Variants in UBE2E3 observed in about 807,000 individuals in gnomAD.
UBE2E3 encodes the protein ubiquitin-conjugating enzyme E2 E3.
Under a neutral mutation model 23.6 loss-of-function variants are expected in UBE2E3, and 5 were observed. That is an observed-to-expected ratio of 0.21 (90% CI 0.11 to 0.44). UBE2E3 has a LOEUF of 0.44. Ranked by LOEUF, UBE2E3 falls within the 20% of genes least tolerant of loss-of-function variation. The pLI is 0.99. For synonymous variants in UBE2E3, 78 were observed against 87.5 expected (o/e 0.89, Z 0.60); for missense variants, 81 against 249.8 (o/e 0.32, Z 4.55).
chr2:181,047,295 A>G (rs942467790), intron 3 of UBE2E3, among the ~76,000 whole-genome samples: 5 of 152,096 alleles, frequency 3.3e-5, no homozygotes, highest in African/African-American at 1.2e-4. Context: ...CATCTCAGGT[A>G]TCATCTCGCC....
At chr2:181,042,591 A>G (rs1686548572) in intron 3 of UBE2E3, among the ~76,000 whole-genome samples, 1 of 152,142 alleles carries the variant, frequency 6.6e-6, no homozygotes, top group South Asian at 2.1e-4. Flanking sequence ...CCAAACTGGA[A>G]GTCATGGAAC....
At chr2:180,996,790 G>A (rs1455481809) in intron 3 of UBE2E3, among the ~76,000 whole-genome samples, 1 of 152,098 alleles carries the variant, frequency 6.6e-6, no homozygotes, top group Non-Finnish European at 1.5e-5. Context: ...ATTTGTAATA[G>A]TTGTGTTTCT....
intron 3 of UBE2E3, among the ~76,000 whole-genome samples, chr2:181,003,364 C>G (rs963058177): frequency 6.6e-6 from 1 of 152,166 alleles, no homozygotes; most frequent in Admixed American, 6.5e-5. Context: ...TTCAGATGAC[C>G]TCTAATGAGC....
chr2:181,040,676 T>C (rs1686459334), intron 3 of UBE2E3, among the ~76,000 whole-genome samples: 1 of 152,190 alleles, frequency 6.6e-6, no homozygotes, highest in South Asian at 2.1e-4. Context: ...AGATGGATCA[T>C]AGGTAAAAAA....
chr2:180,991,554 CG>C (rs1684659158), intron 3 of UBE2E3, among the ~76,000 whole-genome samples: 3 of 152,234 alleles, frequency 2.0e-5, no homozygotes, highest in Admixed American at 6.5e-5. Context: ...GTTCTACCTG[CG>C]GCCCTTGGGC....
intron 3 of UBE2E3, among the ~76,000 whole-genome samples, chr2:181,024,459 G>A: frequency 6.6e-6 from 1 of 152,070 alleles, no homozygotes; most frequent in East Asian, 1.9e-4. Flanking sequence ...GAGTAAACAA[G>A]CAATAAGCAG....
intron 3 of UBE2E3, among the ~76,000 whole-genome samples, chr2:181,020,679 G>T (rs1301839985): frequency 6.6e-6 from 1 of 152,140 alleles, no homozygotes; most frequent in African/African-American, 2.4e-5. Context: ...AAAAGCCATA[G>T]TGTGGATTCA....
intron 3 of UBE2E3, among the ~76,000 whole-genome samples, chr2:181,052,299 T>G (rs1686866275): frequency 6.6e-6 from 1 of 151,828 alleles, no homozygotes; most frequent in African/African-American, 2.4e-5. Flanking sequence ...CAGTCGTAGG[T>G]TCTTGAAGTT....
intron 3 of UBE2E3, chr2:180,987,339 G>A: frequency 6.5e-7 from 1 of 1,549,832 alleles, no homozygotes; most frequent in East Asian, 2.4e-5. Flanking sequence ...GTTTCCCAGA[G>A]GGTGTCCTTG....
At chr2:181,035,217 A>G (rs2105654786) in intron 3 of UBE2E3, among the ~76,000 whole-genome samples, 1 of 152,280 alleles carries the variant, frequency 6.6e-6, no homozygotes, top group East Asian at 1.9e-4. Flanking sequence ...GAAACCTACA[A>G]AGTAAAACCT....
At chr2:181,051,621 A>G (rs1293237406) in intron 3 of UBE2E3, among the ~76,000 whole-genome samples, 5 of 151,866 alleles carry the variant, frequency 3.3e-5, no homozygotes, top group African/African-American at 1.2e-4. Flanking sequence ...AGTCGTATCA[A>G]CATTAGGAAC....
At chr2:181,021,071 G>A (rs989835431) in intron 3 of UBE2E3, among the ~76,000 whole-genome samples, 8 of 152,174 alleles carry the variant, frequency 5.3e-5, no homozygotes, top group Admixed American at 3.3e-4. Flanking sequence ...GTGAAAAGTA[G>A]TAATTATTTC....
chr2:181,041,112 G>A (rs888573405), intron 3 of UBE2E3, among the ~76,000 whole-genome samples: 1 of 151,642 alleles, frequency 6.6e-6, no homozygotes, highest in African/African-American at 2.4e-5. Context: ...GACGGGTGTG[G>A]CAGCACGTGC....
chr2:181,014,822 A>G (rs1235615344), intron 3 of UBE2E3, among the ~76,000 whole-genome samples: 1 of 152,198 alleles, frequency 6.6e-6, no homozygotes, highest in East Asian at 1.9e-4. Flanking sequence ...GATATCCATC[A>G]TCTCAAACAT....
At chr2:181,023,287 A>G (rs1685765197) in intron 3 of UBE2E3, among the ~76,000 whole-genome samples, 1 of 152,226 alleles carries the variant, frequency 6.6e-6, no homozygotes, top group South Asian at 2.1e-4. Context: ...GATTTGGATT[A>G]AGTTAGTATT....
chr2:180,988,052 C>T (rs1026205210), intron 3 of UBE2E3, among the ~76,000 whole-genome samples: 1 of 152,138 alleles, frequency 6.6e-6, no homozygotes, highest in Non-Finnish European at 1.5e-5. Flanking sequence ...TGGAATATTT[C>T]GGTTCTTCTC....
At chr2:181,029,145 G>A (rs956364182) in intron 3 of UBE2E3, among the ~76,000 whole-genome samples, 20 of 151,974 alleles carry the variant, frequency 1.3e-4, no homozygotes, top group Admixed American at 6.6e-5. Context: ...GCCTAGTTCT[G>A]TGTTGGGCTC....
At chr2:181,018,196 T>A (rs1559122911) in intron 3 of UBE2E3, among the ~76,000 whole-genome samples, 1 of 152,148 alleles carries the variant, frequency 6.6e-6, no homozygotes, top group Non-Finnish European at 1.5e-5. Context: ...AAAACAGTTA[T>A]ACTCTAGTAG....
At chr2:181,018,444 T>G (rs1044124103) in intron 3 of UBE2E3, among the ~76,000 whole-genome samples, 4 of 152,118 alleles carry the variant, frequency 2.6e-5, no homozygotes, top group African/African-American at 9.7e-5. Flanking sequence ...GGCCTAGGAT[T>G]GTACAGTTTA....
Sources: allele counts gnomAD v4.1 joint callset (sites outside exome capture counted in the v4.1 genomes callset), GRCh38; gene constraint gnomAD v4.1.1; transcripts MANE v1.5; gene names NCBI Gene and HGNC (gene_info 2026-07-23, HGNC 2026-07-21).